CTNNA1: variants seen among roughly 807,000 people sequenced by gnomAD.
CTNNA1 encodes catenin alpha-1.
CTNNA1 carries 37 observed loss-of-function variants against 98.4 expected under a neutral mutation model. The ratio of observed to expected loss-of-function variants is 0.38; its 90% CI spans 0.29 to 0.49. The LOEUF (loss-of-function observed/expected upper bound fraction) is 0.49. CTNNA1 is among the 20% of genes least tolerant of loss of function. The pLI, the probability that CTNNA1 is intolerant of heterozygous loss-of-function variation, is 0.95. For missense variants in CTNNA1, 761 were observed against 1,147.2 expected (o/e 0.66, Z 4.86); for synonymous variants, 404 against 413.2 (o/e 0.98, Z 0.27).
chr5:138,755,355 G>C (rs1295211918), intron 1 of CTNNA1, among the ~76,000 whole-genome samples: 2 of 152,132 alleles, frequency 1.3e-5, no homozygotes, highest in African/African-American at 4.8e-5. Context: ...TAAGTGAAGG[G>C]AGAAAGTCAT....
intron 3 of CTNNA1, among the ~76,000 whole-genome samples, chr5:138,783,623 T>C (rs1317480659): frequency 6.6e-6 from 1 of 152,210 alleles, no homozygotes; most frequent in Non-Finnish European, 1.5e-5. Flanking sequence ...TCATGAGAGA[T>C]GCTTGCAGAG....
chr5:138,759,629 A>G (rs1161785291), intron 1 of CTNNA1, among the ~76,000 whole-genome samples: 1 of 152,174 alleles, frequency 6.6e-6, no homozygotes, highest in East Asian at 1.9e-4. Flanking sequence ...TATAAGCAGC[A>G]ATCAGCAATT....
intron 9 of CTNNA1, among the ~76,000 whole-genome samples, chr5:138,888,079 G>T (rs898050065): frequency 2.0e-5 from 3 of 152,114 alleles, no homozygotes; most frequent in South Asian, 4.2e-4. Context: ...TTATTTTGAG[G>T]ACCTAAAAAG....
rs570886928 is a variant in CTNNA1, at chr5:138,760,655, C to G, written c.-3+7145C>G. Among the ~76,000 whole-genome samples the G allele has an allele frequency of 3.9e-5, 6 of 152,280 alleles. No individual in the cohort carries two copies. In the East Asian group the frequency reaches 1.2e-3, roughly 29 times the overall value. On this transcript the variant is annotated intron_variant, in intron 1 of 17. Transcript: ENST00000302763. ...TGCTGGGATTACAGGCGTGAGCCAC[C>G]ACGTCTGACCTATCCATTCATATGT... is the stretch of plus-strand genomic sequence containing the variant.
At chr5:138,769,556 G>A (rs1465374834) in intron 1 of CTNNA1, among the ~76,000 whole-genome samples, 1 of 151,508 alleles carries the variant, frequency 6.6e-6, no homozygotes, top group East Asian at 1.9e-4. Flanking sequence ...TTTTGAGACG[G>A]AGTTTCGCTC....
chr5:138,897,338 A>G (rs1382559328), intron 9 of CTNNA1, among the ~76,000 whole-genome samples: 1 of 73,412 alleles, frequency 1.4e-5, no homozygotes. Flanking sequence ...AGTATTTCCC[A>G]TTATCTGGAA....
intron 3 of CTNNA1, among the ~76,000 whole-genome samples, chr5:138,809,196 A>C (rs1403768121): frequency 6.6e-6 from 1 of 152,184 alleles, no homozygotes; most frequent in African/African-American, 2.4e-5. Context: ...GGATATTCCT[A>C]TAAGCTATAG....
Position 138,934,126 on chromosome 5 carries a change from C to T in CTNNA1, c.*37C>T. On this transcript the variant is annotated 3_prime_UTR_variant, in exon 18 of 18. Coordinates refer to ENST00000302763, the MANE Select transcript of CTNNA1 (RefSeq NM_001903.5). ...CCGGCCGCCCCCACCCCTCGGGGCT[C>T]CTGAATATCAGTCACTGTTCGTCAC... The T allele has an allele frequency of 6.6e-7, 1 of 1,512,480 alleles. No homozygotes were observed. Among genetic ancestry groups the T allele is most frequent in the Non-Finnish European group, 9.1e-7 (1 of 1,101,216 alleles). 93.7% of individuals were successfully genotyped at this position (1,512,480 alleles called of 1,614,324 possible).
intron 7 of CTNNA1, chr5:138,870,110 A>G: frequency 6.6e-6 from 1 of 152,208 alleles, no homozygotes; most frequent in Non-Finnish European, 1.5e-5. Flanking sequence ...ATAGAAAAAA[A>G]ATGGAGTGGG....
intron 3 of CTNNA1, among the ~76,000 whole-genome samples, chr5:138,797,885 T>TTA (rs1561535975): frequency 6.7e-6 from 1 of 150,200 alleles, no homozygotes; most frequent in East Asian, 1.9e-4. Flanking sequence ...AAAAAACTGC[T>TTA]AAAAAAAAAA....
chr5:138,800,553 G>C (rs1757462887), intron 3 of CTNNA1, among the ~76,000 whole-genome samples: 1 of 152,112 alleles, frequency 6.6e-6, no homozygotes, highest in African/African-American at 2.4e-5. Context: ...CCAGCACTTT[G>C]GGAGGCCAAG....
At chr5:138,858,207 G>T (rs1463005489) in intron 7 of CTNNA1, among the ~76,000 whole-genome samples, 1 of 151,200 alleles carries the variant, frequency 6.6e-6, no homozygotes, top group Non-Finnish European at 1.5e-5. Context: ...GCTCACTATA[G>T]CCTTGAACTC....
intron 14 of CTNNA1, among the ~76,000 whole-genome samples, chr5:138,929,829 G>A (rs1466441181): frequency 6.6e-6 from 1 of 152,196 alleles, no homozygotes; most frequent in Non-Finnish European, 1.5e-5. Flanking sequence ...TGGGGAGGAT[G>A]CCAAGAAATA....
intron 3 of CTNNA1, among the ~76,000 whole-genome samples, chr5:138,791,615 CAAAA>C (rs1181055311): frequency 1.2e-4 from 5 of 40,306 alleles, no homozygotes; most frequent in African/African-American, 2.2e-4. Flanking sequence ...GACTCCGTCT[CAAAA>C]AAAAAAAAAA....
At chr5:138,824,219 GT>G (rs1760404437) in intron 5 of CTNNA1, among the ~76,000 whole-genome samples, 1 of 152,092 alleles carries the variant, frequency 6.6e-6, no homozygotes, top group South Asian at 2.1e-4. Flanking sequence ...GAAAGGTACT[GT>G]TACTGCTCTT....
At chr5:138,932,220 A>G in intron 16 of CTNNA1, 1 of 1,046,820 alleles carries the variant, frequency 9.6e-7, no homozygotes, top group Non-Finnish European at 1.1e-6. Context: ...GCTTGTTCTC[A>G]CCTCGAGGGG....
rs1224776554 is a variant in CTNNA1, at chr5:138,865,940, CA to C, written c.1063-20270del. Among the ~76,000 whole-genome samples, 13 of 152,132 alleles carry C rather than the reference CA, an allele frequency of 8.5e-5. 1 individual carries two copies. Among genetic ancestry groups the C allele is most frequent in the Admixed American group, 6.5e-4 (10 of 15,274 alleles). ...GCCCTCCATGTATTTGACAGCGAGG[CA>C]ATGGGAAATGTTTTTGTTCATCACA... On this transcript the variant is annotated intron_variant, in intron 7 of 17. Coordinates refer to ENST00000302763, the MANE Select transcript of CTNNA1 (RefSeq NM_001903.5).
chr5:138,909,752 G>A (rs1439852468), intron 10 of CTNNA1, among the ~76,000 whole-genome samples: 1 of 151,952 alleles, frequency 6.6e-6, no homozygotes. Flanking sequence ...TTCTGTCATT[G>A]TGCTTATGGG....
intron 3 of CTNNA1, among the ~76,000 whole-genome samples, chr5:138,789,379 G>C (rs1213568235): frequency 2.0e-5 from 3 of 152,218 alleles, no homozygotes; most frequent in Non-Finnish European, 4.4e-5. Context: ...GACTGTGCAA[G>C]ATGGGCATGA....
Sources: gnomAD v4.1 joint callset for allele counts (sites outside exome capture counted in the v4.1 genomes callset) on GRCh38, gnomAD v4.1.1 for gene constraint, MANE v1.5 for transcripts, NCBI Gene and HGNC (gene_info 2026-07-23, HGNC 2026-07-21) for gene names.